Variants in STX8 observed in about 807,000 individuals in gnomAD.
The protein encoded by STX8 is syntaxin-8.
A neutral mutation model predicts 37.5 loss-of-function variants in STX8; 23 were observed. The observed-to-expected ratio is 0.61, with a 90% CI of 0.44 to 0.87. The LOEUF (loss-of-function observed/expected upper bound fraction) is 0.87. Among genes scored for constraint, STX8 ranks in the 40% least tolerant of loss-of-function variants. The pLI is 0.00. For synonymous variants in STX8, 115 were observed against 99.1 expected (o/e 1.16, Z -0.95); for missense variants, 313 against 284.7 (o/e 1.10, Z -0.71).
At chr17:9,373,524 C>T (rs140376584) in intron 7 of STX8, among the ~76,000 whole-genome samples, 1 of 152,184 alleles carries the variant, frequency 6.6e-6, no homozygotes, top group Non-Finnish European at 1.5e-5. Flanking sequence ...CATATGATCC[C>T]GCTTACAATA....
rs1234153294 is a variant in STX8, at chr17:9,429,765, TTATA to T, written c.542-51116_542-51113del. On this transcript the variant is annotated intron_variant, in intron 6 of 7. Transcript: ENST00000306357. Reference sequence around the variant, plus strand: ...TATTATATATATTATATTTTATATATTATATATAACATATATATTTTATATATTA... The same window carrying T: ...TATTATATATATTATATTTTATATATTATAACATATATATTTTATATATTA... Among the ~76,000 whole-genome samples, 9 of 18,604 alleles carry T rather than the reference TTATA, an allele frequency of 4.8e-4. 1 individual carries two copies. The highest frequency in any genetic ancestry group is 0.021 in the Middle Eastern group (1 of 48). The allele number at this position is 18,604 out of a possible 152,430, so 12.2% of individuals were successfully genotyped here. A position where few individuals can be genotyped will look rare whatever the true frequency, so the allele number is the denominator to read the frequency against.
chr17:9,544,417 C>T (rs140599729), intron 4 of STX8, among the ~76,000 whole-genome samples: 5 of 151,970 alleles, frequency 3.3e-5, no homozygotes, highest in South Asian at 4.2e-4. Context: ...CACTCACTGG[C>T]GAAGAATGGG....
intron 4 of STX8, among the ~76,000 whole-genome samples, chr17:9,512,446 T>C (rs955650447): frequency 1.3e-5 from 2 of 151,706 alleles, no homozygotes; most frequent in Admixed American, 6.6e-5. Flanking sequence ...AATTAATCCA[T>C]GTATCTAGAG....
At chr17:9,376,286 A>C (rs576593518) in intron 7 of STX8, among the ~76,000 whole-genome samples, 1 of 152,310 alleles carries the variant, frequency 6.6e-6, no homozygotes, top group Non-Finnish European at 1.5e-5. Flanking sequence ...TGTCTAGACA[A>C]AGGTTTATAA....
chr17:9,304,344 T>C (rs930077559), intron 7 of STX8, among the ~76,000 whole-genome samples: 5 of 151,612 alleles, frequency 3.3e-5, no homozygotes, highest in Admixed American at 2.0e-4. Flanking sequence ...ACCTCGTCTC[T>C]ACAAAAAAAT....
intron 7 of STX8, among the ~76,000 whole-genome samples, chr17:9,356,663 C>T (rs951741753): frequency 6.6e-5 from 10 of 152,212 alleles, no homozygotes; most frequent in Non-Finnish European, 1.5e-4. Flanking sequence ...CTTTCCCCAT[C>T]TGCTTCTGGC....
chr17:9,291,276 G>A (rs921883723), intron 7 of STX8, among the ~76,000 whole-genome samples: 2 of 151,912 alleles, frequency 1.3e-5, no homozygotes, highest in African/African-American at 4.8e-5. Context: ...GAAACCTCGT[G>A]TCCACTAAAA....
intron 5 of STX8, among the ~76,000 whole-genome samples, chr17:9,496,226 C>T (rs1242705234): frequency 6.6e-6 from 1 of 152,148 alleles, no homozygotes; most frequent in Non-Finnish European, 1.5e-5. Context: ...CAGGCATCCA[C>T]CACAATGTCC....
At chr17:9,442,532 A>C (rs1368489053) in intron 6 of STX8, among the ~76,000 whole-genome samples, 2 of 152,042 alleles carry the variant, frequency 1.3e-5, no homozygotes, top group Non-Finnish European at 1.5e-5. Context: ...TCAGCCTCTC[A>C]AGTAGCTGGG....
chr17:9,366,054 T>C (rs568131746), intron 7 of STX8, among the ~76,000 whole-genome samples: 1 of 152,264 alleles, frequency 6.6e-6, no homozygotes, highest in East Asian at 1.9e-4. Flanking sequence ...ACAATCACCA[T>C]AGGTTCCATG....
intron 2 of STX8, among the ~76,000 whole-genome samples, chr17:9,567,098 T>C (rs1907490960): frequency 1.3e-5 from 2 of 152,286 alleles, no homozygotes; most frequent in African/African-American, 4.8e-5. Flanking sequence ...GAGAGCTAAC[T>C]GGTGAGAACA....
intron 6 of STX8, among the ~76,000 whole-genome samples, chr17:9,402,026 T>G (rs891886304): frequency 6.6e-6 from 1 of 152,206 alleles, no homozygotes; most frequent in Non-Finnish European, 1.5e-5. Context: ...GGCAGGTCTC[T>G]TAGAGCCACA....
At chr17:9,488,960 C>T (rs1378767031) in intron 6 of STX8, among the ~76,000 whole-genome samples, 3 of 151,960 alleles carry the variant, frequency 2.0e-5, no homozygotes, top group Non-Finnish European at 2.9e-5. Flanking sequence ...CACTGCAACC[C>T]CTGCCTCCTG....
intron 2 of STX8, among the ~76,000 whole-genome samples, chr17:9,558,175 AAG>A (rs1275436034): frequency 1.3e-5 from 2 of 152,226 alleles, no homozygotes; most frequent in African/African-American, 4.8e-5. Flanking sequence ...AGAGGGCGAG[AAG>A]AGAGTCTCTC....
intron 2 of STX8, among the ~76,000 whole-genome samples, chr17:9,561,994 A>G (rs1474140094): frequency 6.6e-6 from 1 of 152,152 alleles, no homozygotes; most frequent in Admixed American, 6.5e-5. Flanking sequence ...AGATGAAACC[A>G]TATATTTAAT....
intron 7 of STX8, among the ~76,000 whole-genome samples, chr17:9,275,354 T>G: frequency 6.6e-6 from 1 of 152,208 alleles, no homozygotes; most frequent in South Asian, 2.1e-4. Flanking sequence ...AGGGCTGGCT[T>G]CACTGACGCA....
chr17:9,337,440 G>A lies in STX8; in HGVS notation c.643+41112C>T, dbSNP rs561338796. Among the ~76,000 whole-genome samples the A allele has an allele frequency of 5.9e-5, 9 of 152,248 alleles. 1 individual carries two copies. In the South Asian group the frequency reaches 1.9e-3, roughly 32 times the overall value. ...GTTGCCCAGGCTACAGTGTAGTGGTGTAATCTCAGCTCACTGCAACCTCCA... is the reference window on the plus strand; with the variant it reads ...GTTGCCCAGGCTACAGTGTAGTGGTATAATCTCAGCTCACTGCAACCTCCA... On this transcript the variant is annotated intron_variant, in intron 7 of 7. Coordinates refer to ENST00000306357, the MANE Select transcript of STX8 (RefSeq NM_004853.3).
At chr17:9,397,212 A>G (rs1912435374) in intron 6 of STX8, among the ~76,000 whole-genome samples, 1 of 152,216 alleles carries the variant, frequency 6.6e-6, no homozygotes, top group Non-Finnish European at 1.5e-5. Flanking sequence ...CCTGGCCAAC[A>G]TGGTGAAAAC....
At chr17:9,257,946 G>A (rs953088088) in intron 7 of STX8, among the ~76,000 whole-genome samples, 5 of 152,166 alleles carry the variant, frequency 3.3e-5, no homozygotes, top group African/African-American at 9.7e-5. Flanking sequence ...CTGAGATTGC[G>A]CCACTGCACT....
Sources: gnomAD v4.1 joint callset for allele counts (sites outside exome capture counted in the v4.1 genomes callset) on GRCh38, gnomAD v4.1.1 for gene constraint, MANE v1.5 for transcripts, NCBI Gene and HGNC (gene_info 2026-07-23, HGNC 2026-07-21) for gene names.